Variants in RAPGEF5 observed in about 807,000 individuals in gnomAD.
The protein encoded by RAPGEF5 is M-Ras-regulated GEF.
A neutral mutation model predicts 125.2 loss-of-function variants in RAPGEF5; 65 were observed. The observed-to-expected ratio is 0.52, with a 90% CI of 0.43 to 0.64. The LOEUF (loss-of-function observed/expected upper bound fraction) is 0.64. Ranked by LOEUF, RAPGEF5 falls within the 30% of genes least tolerant of loss-of-function variation. The pLI, the probability that RAPGEF5 is intolerant of heterozygous loss-of-function variation, is 0.00. For synonymous variants in RAPGEF5, 391 were observed against 385.9 expected, an observed-to-expected ratio of 1.01 and a Z score of -0.16; for missense variants, 958 against 1,048.1, an observed-to-expected ratio of 0.91 and a Z score of 1.19.
chr7:22,130,918 T>C (rs1782896214), intron 24 of RAPGEF5, 119 bp downstream of exon 24: 10 of 1,382,748 alleles, frequency 7.2e-6, no homozygotes, highest in South Asian at 1.4e-5. Flanking sequence ...AATAAGCTCC[T>C]TGAATTCGCC....
chr7:22,195,744 C>T (rs574891710), intron 9 of RAPGEF5, among the ~76,000 whole-genome samples: 1 of 151,664 alleles, frequency 6.6e-6, no homozygotes. Context: ...AAACGAAAAA[C>T]AAAAAACAAA....
chr7:22,300,449 C>T (rs952065650), intron 5 of RAPGEF5, among the ~76,000 whole-genome samples: 2 of 152,110 alleles, frequency 1.3e-5, no homozygotes, highest in Non-Finnish European at 2.9e-5. Flanking sequence ...ACATTAATTG[C>T]TTTTCCTTTG....
At chr7:22,310,224 A>G (rs981602567) in intron 3 of RAPGEF5, 134 bp from the exon 4 acceptor site, 3 of 910,028 alleles carry the variant, frequency 3.3e-6, no homozygotes, top group Non-Finnish European at 4.5e-6. Flanking sequence ...TAAATGGCAT[A>G]TACCTCTTAT....
intron 7 of RAPGEF5, among the ~76,000 whole-genome samples, chr7:22,263,181 G>C (rs1042384496): frequency 2.6e-5 from 4 of 152,198 alleles, no homozygotes; most frequent in African/African-American, 9.7e-5. Context: ...GAAAGTCAGT[G>C]TAGCTATAAA....
chr7:22,308,500 C>G lies in RAPGEF5; in HGVS notation c.519G>C (p.Gln173His). The G allele has an allele frequency of 6.5e-7, 1 of 1,538,570 alleles. No individual in the cohort carries two copies. Among genetic ancestry groups the G allele is most frequent in the Non-Finnish European group, 8.8e-7 (1 of 1,140,808 alleles). The change falls in exon 5 of 26, where the codon CAG becomes CAC. Residue 173 changes from glutamine (Q) to histidine (H), a missense_variant. Transcript: ENST00000665637. ...LDMGIMLSVD[Q>H]HLYFQDTYVF... is the part of the protein sequence containing the mutation. ...CATAAGTATCTTGAAAGTATAGATG[C>G]TGGTCCACTGTTTGAAACAAAAAAT...
chr7:22,220,472 CAAG>C (rs1785758616), intron 8 of RAPGEF5, among the ~76,000 whole-genome samples: 1 of 152,136 alleles, frequency 6.6e-6, no homozygotes, highest in South Asian at 2.1e-4. Flanking sequence ...AAACCCTTAA[CAAG>C]AAGATCACAA....
At chr7:22,321,102 A>G (rs1242048810) in intron 1 of RAPGEF5, among the ~76,000 whole-genome samples, 1 of 152,250 alleles carries the variant, frequency 6.6e-6, no homozygotes, top group Non-Finnish European at 1.5e-5. Context: ...CTAATAACAT[A>G]AATGAAAATA....
chr7:22,194,867 G>A (rs1382095301), intron 9 of RAPGEF5: 1 of 640,004 alleles, frequency 1.6e-6, no homozygotes, highest in Non-Finnish European at 1.9e-6. Flanking sequence ...CAGCAGGGTG[G>A]CCTCCAACTC....
chr7:22,212,803 G>T (rs750113697), intron 9 of RAPGEF5, among the ~76,000 whole-genome samples: 3 of 152,194 alleles, frequency 2.0e-5, no homozygotes, highest in Non-Finnish European at 4.4e-5. Context: ...GAGAAGAAAA[G>T]AATATAAGGT....
chr7:22,307,767 T>C (rs565473467), intron 5 of RAPGEF5, among the ~76,000 whole-genome samples: 74 of 152,300 alleles, frequency 4.9e-4, no homozygotes, highest in African/African-American at 1.7e-3. Context: ...TTTTAATCCA[T>C]AACTCATAAT....
intron 18 of RAPGEF5, 24 bp from the exon 19 acceptor site, chr7:22,147,043 TC>T (rs1172487694): frequency 6.2e-7 from 1 of 1,608,668 alleles, no homozygotes; most frequent in African/African-American, 1.3e-5. Flanking sequence ...AGCAAAAAGA[TC>T]CTCAGTAATT....
chr7:22,288,941 C>T (rs1356981498), intron 6 of RAPGEF5, among the ~76,000 whole-genome samples: 2 of 152,058 alleles, frequency 1.3e-5, no homozygotes, highest in African/African-American at 4.8e-5. Flanking sequence ...TAACCAGGAC[C>T]TTCTTCTCTA....
chr7:22,316,489 A>ATATATATT (rs1201099897), intron 2 of RAPGEF5, among the ~76,000 whole-genome samples: 17 of 50,640 alleles, frequency 3.4e-4, no homozygotes, highest in African/African-American at 1.3e-3. Flanking sequence ...ATATATATAT[A>ATATATATT]TTTTTTTTTT....
intron 1 of RAPGEF5, among the ~76,000 whole-genome samples, chr7:22,351,750 C>T (rs1274038122): frequency 1.3e-5 from 2 of 152,134 alleles, no homozygotes; most frequent in East Asian, 1.9e-4. Flanking sequence ...GTGCCTAAAA[C>T]GGCGATACAT....
At chr7:22,263,716 C>T (rs1487562395) in intron 7 of RAPGEF5, among the ~76,000 whole-genome samples, 3 of 145,690 alleles carry the variant, frequency 2.1e-5, no homozygotes, top group South Asian at 4.3e-4. Context: ...GGCGACAGAG[C>T]GAGACTCCAT....
At chr7:22,242,594 A>G (rs555798987) in intron 7 of RAPGEF5, among the ~76,000 whole-genome samples, 14 of 152,310 alleles carry the variant, frequency 9.2e-5, no homozygotes, top group Admixed American at 4.6e-4. Context: ...TGAGCGATCC[A>G]AAAGTGGGGA....
chr7:22,292,104 G>C (rs1028856915), intron 5 of RAPGEF5, among the ~76,000 whole-genome samples: 5 of 152,182 alleles, frequency 3.3e-5, no homozygotes, highest in Admixed American at 6.5e-5. Context: ...GCGGAGGGGG[G>C]ATTGGAGGTC....
chr7:22,334,115 G>A (rs10464305), intron 1 of RAPGEF5, among the ~76,000 whole-genome samples: 12,742 of 150,746 alleles, frequency 0.085, 635 homozygotes, highest in South Asian at 0.17. Context: ...TTCCAGTATC[G>A]CCAATCCACC....
Position 22,162,557 on chromosome 7 carries a change from A to G in RAPGEF5, c.1284-16T>C, listed in dbSNP as rs1396119888. ...AGCAGAATAGGTGCAAATGGTTAAG[A>G]AAAAATTATATTGTTGAAAATTTTA... On this transcript the variant is annotated splice_polypyrimidine_tract_variant and intron_variant, in intron 12 of 25. Coordinates refer to ENST00000665637, the MANE Select transcript of RAPGEF5 (RefSeq NM_012294.5). The G allele has an allele frequency of 1.1e-5, 17 of 1,592,532 alleles. No individual in the cohort carries two copies. The highest frequency in any genetic ancestry group is 1.5e-5 in the Non-Finnish European group (17 of 1,165,944).
Sources: allele counts gnomAD v4.1 joint callset (sites outside exome capture counted in the v4.1 genomes callset), GRCh38; gene constraint gnomAD v4.1.1; transcripts MANE v1.5; gene names NCBI Gene and HGNC (gene_info 2026-07-23, HGNC 2026-07-21).